The following ZNF534 variants were observed in gnomAD, a reference collection of about 807,000 sequenced individuals.
The protein encoded by ZNF534 is KRAB domain only 3.
Under a neutral mutation model 13.6 loss-of-function variants are expected in ZNF534, and 19 were observed. The ratio of observed to expected loss-of-function variants is 1.40; its 90% CI spans 0.97 to 2.05. The LOEUF (loss-of-function observed/expected upper bound fraction) is 2.05, where lower values mean the gene tolerates loss of function less well. Among genes scored for constraint, ZNF534 ranks in the 30% most tolerant of loss-of-function variants. ZNF534 has a pLI of 0.00. For synonymous variants in ZNF534, 244 were observed against 273.8 expected (o/e 0.89, Z 1.07); for missense variants, 782 against 796.3 (o/e 0.98, Z 0.22).
At chr19:52,433,368 C>CTTT (rs3070431) in intron 2 of ZNF534, among the ~76,000 whole-genome samples, 2 of 150,306 alleles carry the variant, frequency 1.3e-5, no homozygotes, top group Non-Finnish European at 1.5e-5. Flanking sequence ...ATTTCTTTCT[C>CTTT]TTTTTGGGGG....
chr19:52,434,216 C>A lies in ZNF534; in HGVS notation c.142+135C>A. The A allele has an allele frequency of 4.4e-6, 6 of 1,368,706 alleles. No homozygotes were observed. In the Admixed American group the frequency reaches 1.6e-4, roughly 36 times the overall value. 84.8% of individuals were successfully genotyped at this position (1,368,706 alleles called of 1,614,324 possible). A position where few individuals can be genotyped will look rare whatever the true frequency, so the allele number is the denominator to read the frequency against. ...TGTTGACTAAGAAATGAAAAGCAGG[C>A]CAGGCGCAGTGGCTCACGCCTGTAA... On this transcript the variant is annotated intron_variant, in intron 3 of 4. Coordinates refer to ENST00000433050, the MANE Select transcript of ZNF534 (RefSeq NM_001143938.3).
At chr19:52,451,947 T>C (rs1191056561) in exon 5 of ZNF534, 1 of 416,004 alleles carries the variant, frequency 2.4e-6, no homozygotes, top group Admixed American at 3.1e-5. Flanking sequence ...GAATTAAAAT[T>C]TATGCCAAGA....
chr19:52,451,421 G>T (rs1407675859), exon 5 of ZNF534: 1 of 719,670 alleles, frequency 1.4e-6, no homozygotes, highest in Middle Eastern at 2.8e-4. Context: ...CCCGCCCCTC[G>T]GCCGCGCAGT....
intron 2 of ZNF534, among the ~76,000 whole-genome samples, chr19:52,432,066 TA>T (rs1486509127): frequency 2.0e-5 from 3 of 151,922 alleles, no homozygotes; most frequent in South Asian, 2.1e-4. Flanking sequence ...TATATATATA[TA>T]TATTTTTATC....
chr19:52,443,555 G>C (rs2059183926), downstream of ZNF534, among the ~76,000 whole-genome samples: 1 of 152,120 alleles, frequency 6.6e-6, no homozygotes, highest in Non-Finnish European at 1.5e-5. Context: ...TTCAAGACCA[G>C]CCTGGCCAAT....
rs761798845 is a variant in ZNF534, at chr19:52,438,758, C to T, written c.1298C>T (p.Thr433Ile). ...CTCACTGCCCATCTTCTAATCCATA[C>T]TGGAGAGAAACCTTACGAATGTATA... ...SDLTAHLLIHTGEKPYECIDC... is the reference protein window; with the variant it reads ...SDLTAHLLIHIGEKPYECIDC... Residue 433 changes from threonine (T) to isoleucine (I), a missense_variant, in exon 5 of 5, where the codon ACT becomes ATT. Thr to Ile is a moderately conservative substitution (Grantham distance 89). Around this residue, in one of 5 missense-constraint regions of ZNF534, gnomAD observed 591 missense variants for 574.0 expected, o/e 1.03. Coordinates refer to ENST00000433050, the MANE Select transcript of ZNF534 (RefSeq NM_001143938.3). 2.6e-5 allele frequency: 42 copies of T among 1,603,088 alleles called. No individual in the cohort carries two copies. Among genetic ancestry groups the T allele is most frequent in the Non-Finnish European group, 3.1e-5 (36 of 1,174,342 alleles).
At chr19:52,434,911 G>A (rs2059118659) in intron 3 of ZNF534, among the ~76,000 whole-genome samples, 170 bp from the exon 4 acceptor site, 1 of 151,992 alleles carries the variant, frequency 6.6e-6, no homozygotes, top group Non-Finnish European at 1.5e-5. Flanking sequence ...AAGGGGGCTT[G>A]ACGTCTACAT....
At chr19:52,447,591 G>A (rs1481462397) in intron 4 of ZNF534, among the ~76,000 whole-genome samples, 1 of 152,014 alleles carries the variant, frequency 6.6e-6, no homozygotes, top group Non-Finnish European at 1.5e-5. Flanking sequence ...GACAAGTGTT[G>A]AATTTTGTTG....
chr19:52,429,347 C>T (rs561853622), intron 1 of ZNF534, 103 bp downstream of exon 1: 73 of 152,340 alleles, frequency 4.8e-4, no homozygotes, highest in African/African-American at 1.7e-3. Flanking sequence ...CCCGGCACCG[C>T]TCTATCCACT....
chr19:52,432,982 C>G (rs2059098680), intron 2 of ZNF534, among the ~76,000 whole-genome samples: 1 of 152,030 alleles, frequency 6.6e-6, no homozygotes, highest in Non-Finnish European at 1.5e-5. Flanking sequence ...GTAGCTCATG[C>G]CTGTAATCCC....
intron 4 of ZNF534, among the ~76,000 whole-genome samples, chr19:52,450,595 C>A (rs2059209655): frequency 6.6e-6 from 1 of 151,262 alleles, no homozygotes; most frequent in Non-Finnish European, 1.5e-5. Flanking sequence ...GTGTAATACC[C>A]CTCAGTTTGG....
intron 1 of ZNF534, among the ~76,000 whole-genome samples, chr19:52,429,609 T>C (rs1247137575): frequency 2.1e-5 from 3 of 145,624 alleles, no homozygotes; most frequent in East Asian, 2.1e-4. Flanking sequence ...TTTTTTTTTT[T>C]CCTGAGACTG....
chr19:52,433,376 G>C lies in ZNF534; in HGVS notation c.16-579G>C, dbSNP rs545899424. ...ACCTAACATTTCTTTCTCTTTTTGG[G>C]GGGGGGAGGGGACGGAGTCTCACTC... is the stretch of plus-strand genomic sequence containing the variant. On this transcript the variant is annotated intron_variant, in intron 2 of 4. Transcript: ENST00000433050. 5.3e-5 allele frequency among the ~76,000 whole-genome samples: 8 copies of C among 150,922 alleles called. No homozygotes were observed. In the East Asian group the frequency reaches 7.8e-4, roughly 15 times the overall value.
At chr19:52,435,939 C>T (rs12610153) in intron 4 of ZNF534, among the ~76,000 whole-genome samples, 3,165 of 23,958 alleles carry the variant, frequency 0.13, 290 homozygotes, top group African/African-American at 0.27. Context: ...TCTTCTTCTT[C>T]TTTTTTTTTT....
Position 52,438,215 on chromosome 19 carries a change from A to G in ZNF534, c.755A>G (p.Asn252Ser), listed in dbSNP as rs796541607. 7.5e-6 allele frequency: 12 copies of G among 1,607,312 alleles called. No individual in the cohort carries two copies. Among genetic ancestry groups the G allele is most frequent in the African/African-American group, 6.7e-5 (5 of 74,140 alleles). Residue 252 changes from asparagine to serine, a missense_variant, in exon 5 of 5, where the codon AAT (asparagine) becomes AGT (serine). By Grantham distance (46) the Asn-to-Ser change is conservative. This residue lies in a region of ZNF534 where 591 missense variants were observed against 574.0 expected (regional missense o/e 1.03). Coordinates refer to ENST00000433050, the MANE Select transcript of ZNF534 (RefSeq NM_001143938.3). The part of the protein sequence containing the change: ...YKYNECGKVF[N>S]QNSHLAQHQK... The stretch of plus-strand genomic sequence containing the variant: ...TATAATGAATGTGGCAAAGTCTTCA[A>G]TCAGAATTCACACCTTGCACAACAT...
At chr19:52,431,985 GTA>G (rs1487940319) in intron 2 of ZNF534, among the ~76,000 whole-genome samples, 3 of 151,668 alleles carry the variant, frequency 2.0e-5, no homozygotes, top group Non-Finnish European at 2.9e-5. Context: ...GTGTAAGTGT[GTA>G]CATGTGATGT....
downstream of ZNF534, among the ~76,000 whole-genome samples, chr19:52,447,436 A>G (rs1005217666): frequency 2.0e-5 from 3 of 152,078 alleles, no homozygotes; most frequent in African/African-American, 7.2e-5. Flanking sequence ...TTCATTCTCA[A>G]CCTCTGTGTT....
At chr19:52,434,993 A>G in intron 3 of ZNF534, 88 bp from the exon 4 acceptor site, 1 of 1,443,872 alleles carries the variant, frequency 6.9e-7, no homozygotes. Flanking sequence ...TTCTTGATTA[A>G]TTTGTAATAT....
chr19:52,432,956 C>G (rs1476744879), intron 2 of ZNF534, among the ~76,000 whole-genome samples: 1 of 151,940 alleles, frequency 6.6e-6, no homozygotes, highest in East Asian at 1.9e-4. Flanking sequence ...TTAAAAACCA[C>G]TATAGGTCGG....
Sources: gnomAD v4.1 joint callset for allele counts (sites outside exome capture counted in the v4.1 genomes callset) on GRCh38, gnomAD v4.1.1 for gene constraint, gnomAD v4.1.1 regional missense constraint, MANE v1.5 for transcripts, NCBI Gene and HGNC (gene_info 2026-07-23, HGNC 2026-07-21) for gene names.